Variants in KIAA1755 observed in about 807,000 individuals in gnomAD.
KIAA1755 encodes the protein uncharacterized protein KIAA1755.
In KIAA1755, 68 loss-of-function variants were observed where a neutral mutation model predicts 91.7. The observed-to-expected ratio is 0.74, with a 90% CI of 0.61 to 0.91. KIAA1755 has a LOEUF of 0.91. KIAA1755 is among the 40% of genes least tolerant of loss of function. KIAA1755 has a pLI of 0.00. For synonymous variants in KIAA1755, 610 were observed against 604.6 expected, an observed-to-expected ratio of 1.01 and a Z score of -0.13; for missense variants, 1,535 against 1,494.4, an observed-to-expected ratio of 1.03 and a Z score of -0.45.
intron 1 of KIAA1755, among the ~76,000 whole-genome samples, chr20:38,255,160 G>A (rs910986039): frequency 2.5e-4 from 38 of 151,594 alleles, no homozygotes; most frequent in Non-Finnish European, 3.2e-4. Context: ...CTGGGTGACA[G>A]AGTGAGATCT....
chr20:38,211,644 G>A lies in KIAA1755; in HGVS notation c.*1398C>T, dbSNP rs982283048. ...AGGGGACAGAAGACATTGAGTTCAG[G>A]GAGGCTTGGTGGGGAGGTGAGAGAG... is the stretch of plus-strand genomic sequence containing the variant. On this transcript the variant is annotated 3_prime_UTR_variant, in exon 14 of 14. Coordinates refer to ENST00000279024, the MANE Select transcript of KIAA1755 (RefSeq NM_001029864.2). 6.6e-6 allele frequency: 1 copy of A among 152,428 alleles called. No homozygotes were observed. The highest frequency in any genetic ancestry group is 1.5e-5 in the Non-Finnish European group (1 of 68,198). 9.4% of individuals were successfully genotyped at this position (152,428 alleles called of 1,614,324 possible). A position where few individuals can be genotyped will look rare whatever the true frequency, so the allele number is the denominator to read the frequency against.
chr20:38,238,973 C>G (rs527677536), intron 4 of KIAA1755, among the ~76,000 whole-genome samples: 1 of 152,342 alleles, frequency 6.6e-6, no homozygotes, highest in African/African-American at 2.4e-5. Flanking sequence ...CTGCCCCACC[C>G]CATTCCAGGA....
At chr20:38,226,920 C>G (rs551281616) in intron 7 of KIAA1755, among the ~76,000 whole-genome samples, 2 of 152,312 alleles carry the variant, frequency 1.3e-5, no homozygotes, top group Admixed American at 1.3e-4. Context: ...CAGCACCCAC[C>G]AGGAGCTGCT....
At chr20:38,255,142 A>C (rs1006632606) in intron 1 of KIAA1755, among the ~76,000 whole-genome samples, 2 of 151,390 alleles carry the variant, frequency 1.3e-5, no homozygotes, top group African/African-American at 4.9e-5. Flanking sequence ...GGGCCACTGC[A>C]CCCCAGCCTG....
At chr20:38,236,319 G>A (rs2075960113) in intron 4 of KIAA1755, among the ~76,000 whole-genome samples, 2 of 152,342 alleles carry the variant, frequency 1.3e-5, no homozygotes, top group South Asian at 2.1e-4. Flanking sequence ...ACAGCTGGAT[G>A]GATAAGTCTG....
chr20:38,227,017 G>T (rs910358895), intron 7 of KIAA1755, 137 bp downstream of exon 7: 1 of 605,486 alleles, frequency 1.7e-6, no homozygotes, highest in Non-Finnish European at 2.9e-6. Context: ...CTTAGGCCTC[G>T]TATTTATTGC....
intron 1 of KIAA1755, among the ~76,000 whole-genome samples, chr20:38,256,535 A>G (rs971034640): frequency 2.0e-4 from 30 of 152,000 alleles, no homozygotes; most frequent in African/African-American, 7.3e-4. Flanking sequence ...GGGTGTGGCG[A>G]CTCATGCCTA....
In KIAA1755 at chr20:38,222,595, CT is replaced by C. The variant is rs1568738090; in HGVS notation, c.2270del (p.Glu757GlyfsTer6). 6.2e-7 allele frequency: 1 copy of C among 1,611,920 alleles called. No homozygotes were observed. The highest frequency in any genetic ancestry group is 1.1e-5 in the South Asian group (1 of 91,084). ...EKADPPGGMQEATRCLSKSKE... is the reference protein window; with the variant it reads ...EKADPPGGMQXATRCLSKSKE... ...TGGACTTGCTCAGGCACCTGGTAGC[CT>C]CCTGCCAGCGTAGGGAGGTGCCCTG... On this transcript the variant is annotated frameshift_variant and splice_region_variant, in exon 10 of 14. Transcript: ENST00000279024. LOFTEE classifies it high-confidence loss of function.
At chr20:38,248,681 TTTATTA>T (rs139229061) in intron 1 of KIAA1755, among the ~76,000 whole-genome samples, 48 of 144,750 alleles carry the variant, frequency 3.3e-4, no homozygotes, top group African/African-American at 6.3e-4. Flanking sequence ...TTGTCTTCTC[TTTATTA>T]TTATTATTAT....
chr20:38,253,951 T>A (rs760783397), intron 1 of KIAA1755, among the ~76,000 whole-genome samples: 2 of 152,230 alleles, frequency 1.3e-5, no homozygotes, highest in Non-Finnish European at 2.9e-5. Context: ...TGGTGCCATC[T>A]CGACTCACTG....
At chr20:38,243,982 A>G (rs1184413710) in intron 2 of KIAA1755, among the ~76,000 whole-genome samples, 1 of 152,192 alleles carries the variant, frequency 6.6e-6, no homozygotes, top group Non-Finnish European at 1.5e-5. Context: ...TCCAAAGTTC[A>G]CAGTGATGAG....
At chr20:38,257,559 C>G (rs2076359549) in intron 1 of KIAA1755, among the ~76,000 whole-genome samples, 1 of 132,672 alleles carries the variant, frequency 7.5e-6, no homozygotes, top group South Asian at 2.4e-4. Flanking sequence ...ACAGCCTGGG[C>G]AATAGAGCGA....
At chr20:38,257,344 G>T (rs540353740) in intron 1 of KIAA1755, among the ~76,000 whole-genome samples, 1 of 152,252 alleles carries the variant, frequency 6.6e-6, no homozygotes, top group Admixed American at 6.5e-5. Context: ...ACTTTGGGAG[G>T]TTGAGGTGGG....
At chr20:38,221,433 C>A (rs1176409125) in intron 10 of KIAA1755, among the ~76,000 whole-genome samples, 3 of 152,048 alleles carry the variant, frequency 2.0e-5, no homozygotes, top group African/African-American at 4.8e-5. Context: ...CCAGTGCTGC[C>A]CGTGCGTCCA....
Position 38,240,684 on chromosome 20 carries a change from A to G in KIAA1755, c.1447T>C (p.Ser483Pro), listed in dbSNP as rs375533078. Residue 483 changes from serine to proline, a missense_variant, in exon 3 of 14, where the codon TCT (serine) becomes CCT (proline). Physicochemically the swap from Ser to Pro is moderately conservative, Grantham distance 74. Coordinates refer to ENST00000279024, the MANE Select transcript of KIAA1755 (RefSeq NM_001029864.2). ...FSFLRGQRQP[S>P]VTPEKASLQH... Reference sequence around the variant, plus strand: ...AGTGAGGCTTTCTCCGGGGTCACAGAGGGTTGCCTCTGCCCTCTCAAGAAT... The same window carrying G: ...AGTGAGGCTTTCTCCGGGGTCACAGGGGGTTGCCTCTGCCCTCTCAAGAAT... 5.1e-6 allele frequency: 8 copies of G among 1,553,894 alleles called. No homozygotes were observed. The African/African-American group carries it at 8.2e-5, about 16-fold the overall frequency.
chr20:38,249,805 C>A (rs977001837), intron 1 of KIAA1755, among the ~76,000 whole-genome samples: 24 of 151,830 alleles, frequency 1.6e-4, no homozygotes, highest in African/African-American at 5.1e-4. Context: ...CCCCCCCCAA[C>A]CCCCACCAAT....
intron 12 of KIAA1755, 65 bp from the exon 13 acceptor site, chr20:38,217,539 C>T: frequency 8.8e-7 from 1 of 1,132,418 alleles, no homozygotes. Context: ...CCTCGGAGGT[C>T]AGCAACCTCC....
Position 38,246,066 on chromosome 20 carries a change from C to G in KIAA1755, c.64G>C (p.Glu22Gln). 2 of 1,613,960 alleles carry G rather than the reference C, an allele frequency of 1.2e-6. No homozygotes were observed. Among genetic ancestry groups the G allele is most frequent in the Non-Finnish European group, 1.7e-6 (2 of 1,179,994 alleles). Reference protein sequence around the residue: ...HALAGLYPPFEATAPTVLGQV... With the variant: ...HALAGLYPPFQATAPTVLGQV... Reference sequence around the variant, plus strand: ...CCCAGGACGGTGGGTGCTGTGGCCTCGAAAGGAGGATAGAGGCCCGCCAGG... The same window carrying G: ...CCCAGGACGGTGGGTGCTGTGGCCTGGAAAGGAGGATAGAGGCCCGCCAGG... The change falls in exon 2 of 14, where the codon GAG (glutamate) becomes CAG (glutamine). Residue 22 changes from glutamate (E) to glutamine (Q), a missense_variant. Coordinates refer to ENST00000279024, the MANE Select transcript of KIAA1755 (RefSeq NM_001029864.2).
chr20:38,240,646 C>T lies in KIAA1755; in HGVS notation c.1485G>A (p.Gly495=), dbSNP rs2076040054. The change falls in exon 3 of 14, where the codon GGG becomes GGA. Residue 495 remains glycine, a synonymous_variant. Coordinates refer to ENST00000279024, the MANE Select transcript of KIAA1755 (RefSeq NM_001029864.2). ...AGAGGGAACACAGGACTTTCCAGGG[C>T]CCATTGTGCTGGAGTGAGGCTTTCT... ...TPEKASLQHN[G]PWKVLCSLYS... 6.6e-7 allele frequency: 1 copy of T among 1,523,922 alleles called. No homozygotes were observed. Among genetic ancestry groups the T allele is most frequent in the Non-Finnish European group, 8.8e-7 (1 of 1,137,886 alleles). 94.4% of individuals were successfully genotyped at this position (1,523,922 alleles called of 1,614,324 possible). A position where few individuals can be genotyped will look rare whatever the true frequency, so the allele number is the denominator to read the frequency against.
Sources: gnomAD v4.1 joint callset for allele counts (sites outside exome capture counted in the v4.1 genomes callset) on GRCh38, gnomAD v4.1.1 for gene constraint, MANE v1.5 for transcripts, NCBI Gene and HGNC (gene_info 2026-07-23, HGNC 2026-07-21) for gene names.